Variants in HPS3 observed in about 807,000 individuals in gnomAD.
HPS3 encodes HPS3 biogenesis of lysosomal organelles complex 2 subunit 1.
In HPS3, 79 loss-of-function variants were observed where a neutral mutation model predicts 110.9. That is an observed-to-expected ratio of 0.71 (90% CI 0.59 to 0.86). The LOEUF is 0.86. HPS3 is among the 40% of genes least tolerant of loss of function. HPS3 has a pLI of 0.00. For synonymous variants in HPS3, 428 were observed against 451.0 expected (o/e 0.95, Z 0.65); for missense variants, 1,197 against 1,206.2 (o/e 0.99, Z 0.11).
Position 149,155,213 on chromosome 3 carries a change from A to T in HPS3, c.1507A>T (p.Met503Leu), listed in dbSNP as rs1404302412. The T allele has an allele frequency of 2.1e-6, 3 of 1,438,788 alleles. No individual in the cohort carries two copies. The highest frequency in any genetic ancestry group is 2.9e-6 in the Non-Finnish European group (3 of 1,020,752). The allele number at this position is 1,438,788 out of a possible 1,614,324, so 89.1% of individuals were successfully genotyped here. The change falls in exon 8 of 17, where the codon ATG (methionine) becomes TTG (leucine). Residue 503 changes from methionine (M) to leucine (L), a missense_variant and splice_region_variant. Coordinates refer to ENST00000296051, the MANE Select transcript of HPS3 (RefSeq NM_032383.5). Reference sequence around the variant, plus strand: ...CTCACCAGTGCAGCTGTACAAAGAGATGGTACTCTTTTCAAACTTCTGATT... The same window carrying T: ...CTCACCAGTGCAGCTGTACAAAGAGTTGGTACTCTTTTCAAACTTCTGATT... Reference protein sequence around the residue: ...TISPVQLYKEMVDYSNTYKTV... With the variant: ...TISPVQLYKELVDYSNTYKTV...
At chr3:149,143,426 T>C (rs1722605852) in intron 4 of HPS3, among the ~76,000 whole-genome samples, 1 of 152,182 alleles carries the variant, frequency 6.6e-6, no homozygotes, top group African/African-American at 2.4e-5. Context: ...ATTTAAAATA[T>C]CCCTTCTCCA....
chr3:149,160,819 GA>G, intron 11 of HPS3, among the ~76,000 whole-genome samples: 1 of 152,352 alleles, frequency 6.6e-6, no homozygotes, highest in East Asian at 1.9e-4. Context: ...AAGAAAATAG[GA>G]GGTAGTGTAA....
chr3:149,137,059 C>T (rs897620417), intron 1 of HPS3, among the ~76,000 whole-genome samples: 13 of 151,944 alleles, frequency 8.6e-5, no homozygotes, highest in Admixed American at 1.3e-4. Flanking sequence ...AAAATATTTC[C>T]GAATCATATA....
intron 4 of HPS3, 139 bp downstream of exon 4, chr3:149,141,519 GT>G (rs373195954): frequency 5.3e-3 from 2,062 of 386,576 alleles, no homozygotes; most frequent in East Asian, 7.5e-3. Flanking sequence ...CTTTAACAAA[GT>G]TTTTTTTTTT....
At chr3:149,133,786 A>G (rs1471895856) in intron 1 of HPS3, among the ~76,000 whole-genome samples, 5 of 152,082 alleles carry the variant, frequency 3.3e-5, no homozygotes, top group Non-Finnish European at 5.9e-5. Flanking sequence ...AGGTATGTAC[A>G]TTGCTTTGTT....
At chr3:149,151,803 A>G (rs951746848) in intron 6 of HPS3, among the ~76,000 whole-genome samples, 1 of 152,158 alleles carries the variant, frequency 6.6e-6, no homozygotes, top group Non-Finnish European at 1.5e-5. Context: ...AGAAGCTCCC[A>G]AATTATCATG....
Position 149,129,920 on chromosome 3 carries a change from G to A in HPS3, c.197G>A (p.Arg66His). Reference sequence around the variant, plus strand: ...TTCTCCACGCTGGGCCGGGTGTTGCGCCTGGCCTACAGCGAGGCTGGTGAG... The same window carrying A: ...TTCTCCACGCTGGGCCGGGTGTTGCACCTGGCCTACAGCGAGGCTGGTGAG... ...CAFSTLGRVL[R>H]LAYSEAGDYL... Residue 66 changes from arginine to histidine, a missense_variant, in exon 1 of 17, where the codon CGC becomes CAC. Coordinates refer to ENST00000296051, the MANE Select transcript of HPS3 (RefSeq NM_032383.5). 2 of 1,558,710 alleles carry A rather than the reference G, an allele frequency of 1.3e-6. No homozygotes were observed. Among genetic ancestry groups the A allele is most frequent in the Non-Finnish European group, 1.7e-6 (2 of 1,159,082 alleles).
chr3:149,139,302 C>T (rs1722294063), intron 1 of HPS3, among the ~76,000 whole-genome samples: 1 of 151,938 alleles, frequency 6.6e-6, no homozygotes, highest in Non-Finnish European at 1.5e-5. Context: ...AGTTTTTGTT[C>T]ATTTTTAAAA....
At chr3:149,148,636 C>G (rs960526567) in intron 5 of HPS3, among the ~76,000 whole-genome samples, 2 of 151,168 alleles carry the variant, frequency 1.3e-5, no homozygotes, top group South Asian at 4.2e-4. Context: ...AACTCCAGAC[C>G]TCAGGCAATT....
chr3:149,140,478 G>A lies in HPS3; in HGVS notation c.692G>A (p.Arg231Gln), dbSNP rs1722376177. Residue 231 changes from arginine to glutamine, a missense_variant, in exon 2 of 17, where the codon CGA becomes CAA. By Grantham distance (43) the Arg-to-Gln change is conservative. Transcript: ENST00000296051. ...CACCATCCACATAAGACCAACAATCGAATAAGACGGACAGAAGAAGGTAAA... is the reference window on the plus strand; with the variant it reads ...CACCATCCACATAAGACCAACAATCAAATAAGACGGACAGAAGAAGGTAAA... ...VHHHPHKTNN[R>Q]IRRTEEGISN... The A allele has an allele frequency of 1.2e-6, 2 of 1,614,046 alleles. No individual in the cohort carries two copies. Among genetic ancestry groups the A allele is most frequent in the Non-Finnish European group, 1.7e-6 (2 of 1,179,982 alleles).
In HPS3 at chr3:149,129,806, G is replaced by T. The variant is rs1721634756; in HGVS notation, c.83G>T (p.Gly28Val). ...CKLEPDRFCG[G>V]GRDALFVAAG... ...CTGGAGCCGGACCGGTTCTGTGGCGGGGGGCGTGACGCGCTTTTCGTGGCG... is the reference window on the plus strand; with the variant it reads ...CTGGAGCCGGACCGGTTCTGTGGCGTGGGGCGTGACGCGCTTTTCGTGGCG... Residue 28 changes from glycine to valine, a missense_variant, in exon 1 of 17, where the codon GGG becomes GTG. Gly to Val is a moderately radical substitution (Grantham distance 109, BLOSUM62 -3). Coordinates refer to ENST00000296051, the MANE Select transcript of HPS3 (RefSeq NM_032383.5). 6.2e-7 allele frequency: 1 copy of T among 1,607,504 alleles called. No homozygotes were observed. Among genetic ancestry groups the T allele is most frequent in the Non-Finnish European group, 8.5e-7 (1 of 1,179,276 alleles).
At chr3:149,153,014 G>T (rs529721328) in intron 6 of HPS3, among the ~76,000 whole-genome samples, 44 of 152,144 alleles carry the variant, frequency 2.9e-4, no homozygotes, top group East Asian at 5.8e-4. Flanking sequence ...ACACACATCC[G>T]CAAAGAAACC....
At position 149,163,849 on chromosome 3, in the gene HPS3, C is replaced by T. The variant is rs745410758; in HGVS notation, c.2489C>T (p.Ala830Val). Residue 830 changes from alanine to valine, a missense_variant, in exon 14 of 17, where the codon GCC (alanine) becomes GTC (valine). By Grantham distance (64) the Ala-to-Val change is moderately conservative (BLOSUM62 0). Coordinates refer to ENST00000296051, the MANE Select transcript of HPS3 (RefSeq NM_032383.5). ...AATTCTTTTATGTTTTAGATAAATG[C>T]CTGTAGTCATTATGGCTTAATTTAT... ...PLRTSEDLINACSHYGLIYPW... is the reference protein window; with the variant it reads ...PLRTSEDLINVCSHYGLIYPW... The T allele has an allele frequency of 6.6e-7, 1 of 1,514,056 alleles. No individual in the cohort carries two copies. The highest frequency in any genetic ancestry group is 1.1e-5 in the South Asian group (1 of 88,868). 93.8% of individuals were successfully genotyped at this position (1,514,056 alleles called of 1,614,324 possible). A position where few individuals can be genotyped will look rare whatever the true frequency, so the allele number is the denominator to read the frequency against.
In HPS3 at chr3:149,129,858, G is replaced by A. The variant is rs754575715; in HGVS notation, c.135G>A (p.Ala45=). The change falls in exon 1 of 17, where the codon GCG becomes GCA. Residue 45 remains alanine, a synonymous_variant. Transcript: ENST00000296051. ...VAAGCKVEAF[A]VAGQELCQPR... ...CGGGCTGCAAGGTGGAGGCGTTCGC[G>A]GTGGCCGGCCAGGAGCTGTGCCAGC... The A allele has an allele frequency of 1.1e-5, 17 of 1,600,344 alleles. No homozygotes were observed. Among genetic ancestry groups the A allele is most frequent in the Admixed American group, 5.0e-5 (3 of 59,492 alleles).
At chr3:149,157,908 C>G (rs1474872069) in intron 9 of HPS3, among the ~76,000 whole-genome samples, 1 of 152,126 alleles carries the variant, frequency 6.6e-6, no homozygotes, top group Non-Finnish European at 1.5e-5. Flanking sequence ...TAAAAGTAAA[C>G]AAAGTGGTTG....
chr3:149,143,929 C>G (rs1425293472), intron 4 of HPS3, among the ~76,000 whole-genome samples: 1 of 152,114 alleles, frequency 6.6e-6, no homozygotes, highest in Non-Finnish European at 1.5e-5. Flanking sequence ...TGCAGTGAAC[C>G]CCCACGTACC....
chr3:149,145,024 C>T (rs1219055720), intron 4 of HPS3, among the ~76,000 whole-genome samples: 1 of 152,126 alleles, frequency 6.6e-6, no homozygotes, highest in Non-Finnish European at 1.5e-5. Flanking sequence ...GGTCTATACT[C>T]AGGCTTGCTC....
At chr3:149,157,196 C>T (rs534073327) in intron 8 of HPS3, among the ~76,000 whole-genome samples, 154 bp from the exon 9 acceptor site, 1 of 151,978 alleles carries the variant, frequency 6.6e-6, no homozygotes, top group African/African-American at 2.4e-5. Flanking sequence ...CAGCTAAGCC[C>T]TTGTCAGAAT....
chr3:149,137,742 C>T (rs1370648526), intron 1 of HPS3, among the ~76,000 whole-genome samples: 1 of 152,062 alleles, frequency 6.6e-6, no homozygotes, highest in Non-Finnish European at 1.5e-5. Flanking sequence ...CTATATGGTT[C>T]AACTTACATG....
Sources: gnomAD v4.1 joint callset for allele counts (sites outside exome capture counted in the v4.1 genomes callset) on GRCh38, gnomAD v4.1.1 for gene constraint, MANE v1.5 for transcripts, NCBI Gene and HGNC (gene_info 2026-07-23, HGNC 2026-07-21) for gene names.